Variants in ITGAM observed in about 807,000 individuals in gnomAD.
ITGAM encodes integrin alpha-M.
In ITGAM, 79 loss-of-function variants were observed where a neutral mutation model predicts 137.5. The observed-to-expected ratio is 0.57, with a 90% CI of 0.48 to 0.69. The LOEUF (loss-of-function observed/expected upper bound fraction) is 0.69. Among genes scored for constraint, ITGAM ranks in the 30% least tolerant of loss-of-function variants. ITGAM has a pLI of 0.00. For synonymous variants in ITGAM, 583 were observed against 592.3 expected (o/e 0.98, Z 0.23); for missense variants, 1,343 against 1,483.5 (o/e 0.91, Z 1.56).
At chr16:31,265,787 C>T (rs1422933501) in intron 3 of ITGAM, 24 bp from the exon 4 acceptor site, 1 of 1,609,672 alleles carries the variant, frequency 6.2e-7, no homozygotes, top group Non-Finnish European at 8.5e-7. Flanking sequence ...ACCAGGGTGA[C>T]CATGCCCATA....
Position 31,278,101 on chromosome 16 carries a change from G to A in ITGAM, c.1348G>A (p.Gly450Ser). Reference protein sequence around the residue: ...GMWESNANVKGTQIGAYFGAS... With the variant: ...GMWESNANVKSTQIGAYFGAS... ...GTGGGAGTCCAACGCTAATGTCAAGGGCACCCAGGTGAGTGCGGTTTGTGG... is the reference window on the plus strand; with the variant it reads ...GTGGGAGTCCAACGCTAATGTCAAGAGCACCCAGGTGAGTGCGGTTTGTGG... The change falls in exon 12 of 30, where the codon GGC becomes AGC. Residue 450 changes from glycine (G) to serine (S), a missense_variant. Transcript: ENST00000544665. 1.2e-6 allele frequency: 2 copies of A among 1,607,500 alleles called. No individual in the cohort carries two copies. Among genetic ancestry groups the A allele is most frequent in the Non-Finnish European group, 1.7e-6 (2 of 1,177,058 alleles).
At chr16:31,327,971 G>T (rs1219330962) in intron 22 of ITGAM, 176 bp from the exon 23 acceptor site, 1 of 601,720 alleles carries the variant, frequency 1.7e-6, no homozygotes, top group Admixed American at 2.8e-5. Flanking sequence ...CAGACATCCA[G>T]CTGGAGAGGG....
At position 31,331,189 on chromosome 16, in the gene ITGAM, G is replaced by A; in HGVS notation, c.3301G>A (p.Glu1101Lys). The part of the protein sequence containing the change: ...SQTETKVEPF[E>K]VPNPLPLIVG... Reference sequence around the variant, plus strand: ...GACGGAGACCAAAGTGGAGCCGTTCGAGGTCCCCAACCCCCTGCCGCTCAT... The same window carrying A: ...GACGGAGACCAAAGTGGAGCCGTTCAAGGTCCCCAACCCCCTGCCGCTCAT... Residue 1101 changes from glutamate (E) to lysine (K), a missense_variant, in exon 29 of 30, where the codon GAG becomes AAG. Transcript: ENST00000544665. 6.2e-7 allele frequency: 1 copy of A among 1,612,362 alleles called. No individual in the cohort carries two copies. Among genetic ancestry groups the A allele is most frequent in the Non-Finnish European group, 8.5e-7 (1 of 1,178,794 alleles).
At chr16:31,297,275 T>TC (rs2080143874) in intron 12 of ITGAM, among the ~76,000 whole-genome samples, 1 of 152,086 alleles carries the variant, frequency 6.6e-6, no homozygotes, top group Non-Finnish European at 1.5e-5. Flanking sequence ...CAAGGGATCC[T>TC]CCCACTTCAG....
At chr16:31,272,629 G>A (rs1476578251) in intron 7 of ITGAM, among the ~76,000 whole-genome samples, 2 of 148,516 alleles carry the variant, frequency 1.3e-5, no homozygotes, top group African/African-American at 4.9e-5. Context: ...GATTACATGC[G>A]TCCATCACCA....
intron 12 of ITGAM, among the ~76,000 whole-genome samples, chr16:31,288,553 A>T (rs1005148559): frequency 6.6e-6 from 1 of 152,178 alleles, no homozygotes; most frequent in African/African-American, 2.4e-5. Flanking sequence ...CTGGCTAGCC[A>T]TATGTAGAAA....
rs200349634 is a variant in ITGAM, at chr16:31,325,513, A to G, written c.2519A>G (p.Gln840Arg). 1.7e-5 allele frequency: 28 copies of G among 1,613,816 alleles called. No homozygotes were observed. Among genetic ancestry groups the G allele is most frequent in the Non-Finnish European group, 2.4e-5 (28 of 1,179,896 alleles). ...KVSTLQNQRS[Q>R]RSWRLACESA... Reference sequence around the variant, plus strand: ...CCTGCCTTCCAGAACCAGCGCTCACAGCGATCCTGGCGCCTGGCCTGTGAG... The same window carrying G: ...CCTGCCTTCCAGAACCAGCGCTCACGGCGATCCTGGCGCCTGGCCTGTGAG... Residue 840 changes from glutamine (Q) to arginine (R), a missense_variant, in exon 21 of 30, where the codon CAG (glutamine) becomes CGG (arginine). Transcript: ENST00000544665.
intron 2 of ITGAM, 50 bp downstream of exon 2, chr16:31,261,847 T>G (rs1448962065): frequency 8.6e-7 from 1 of 1,157,836 alleles, no homozygotes; most frequent in Non-Finnish European, 1.3e-6. Context: ...TCTCCAAGAC[T>G]TACATACCTG....
chr16:31,280,060 T>G (rs191984194), intron 12 of ITGAM, among the ~76,000 whole-genome samples: 1 of 152,208 alleles, frequency 6.6e-6, no homozygotes, highest in Non-Finnish European at 1.5e-5. Flanking sequence ...TGTGTGGTAT[T>G]ATTTCTGAGG....
In ITGAM at chr16:31,296,484, A is replaced by T. The variant is rs887593772; in HGVS notation, c.1357-1030A>T. On this transcript the variant is annotated intron_variant, in intron 12 of 29. Transcript: ENST00000544665. ...TAAAAGGCTGAATTTTATTGTATGT[A>T]AACTCTTCCCCAATAAATCTGACCT... Among the ~76,000 whole-genome samples, 19 of 152,152 alleles carry T rather than the reference A, an allele frequency of 1.2e-4. 1 individual carries two copies. Among genetic ancestry groups the T allele is most frequent in the African/African-American group, 4.6e-4 (19 of 41,432 alleles).
chr16:31,323,548 A>G lies in ITGAM; in HGVS notation c.2003-851A>G, dbSNP rs561041756. 2.0e-5 allele frequency among the ~76,000 whole-genome samples: 3 copies of G among 152,346 alleles called. No individual in the cohort carries two copies. The South Asian group carries it at 6.2e-4, about 32-fold the overall frequency. ...CGTTATAATCAAACTGCTGAAGACC[A>G]AAGACAAAGAGAAAAAAATTTAAAG... On this transcript the variant is annotated intron_variant, in intron 16 of 29. Coordinates refer to ENST00000544665, the MANE Select transcript of ITGAM (RefSeq NM_000632.4).
chr16:31,317,884 G>A (rs1391022406), intron 14 of ITGAM, among the ~76,000 whole-genome samples: 1 of 152,120 alleles, frequency 6.6e-6, no homozygotes, highest in Non-Finnish European at 1.5e-5. Context: ...TTTTCTCATG[G>A]TGTGTTTGTT....
chr16:31,298,833 C>CT (rs36034361), intron 14 of ITGAM, among the ~76,000 whole-genome samples: 21,133 of 152,116 alleles, frequency 0.14, 1,630 homozygotes, highest in South Asian at 0.2. Context: ...TGCATTGGGT[C>CT]TTGCAAAGCA....
chr16:31,290,714 G>C (rs1295404428), intron 12 of ITGAM, among the ~76,000 whole-genome samples: 1 of 151,630 alleles, frequency 6.6e-6, no homozygotes, highest in African/African-American at 2.4e-5. Flanking sequence ...ATCCAACATT[G>C]TACTGAAAGA....
intron 14 of ITGAM, among the ~76,000 whole-genome samples, chr16:31,320,339 A>T (rs892943368): frequency 6.6e-6 from 1 of 152,160 alleles, no homozygotes; most frequent in African/African-American, 2.4e-5. Flanking sequence ...GTTATTTTTA[A>T]TATCTTTGTC....
At chr16:31,329,187 C>G in intron 23 of ITGAM, 41 bp from the exon 24 acceptor site, 1 of 1,399,632 alleles carries the variant, frequency 7.1e-7, no homozygotes, top group South Asian at 1.2e-5. Flanking sequence ...CAGGGCACCC[C>G]TCATGTTTTG....
chr16:31,302,914 C>A (rs1377283068), intron 14 of ITGAM, among the ~76,000 whole-genome samples: 1 of 143,958 alleles, frequency 6.9e-6, no homozygotes, highest in Admixed American at 7.0e-5. Flanking sequence ...CTCTCTTTCC[C>A]TCCCTCTTTC....
rs2080151573 is a variant in ITGAM at position 31,297,765 on chromosome 16, T to C, written c.1518T>C (p.Asp506=). 1 of 1,600,396 alleles carries C rather than the reference T, an allele frequency of 6.2e-7. No individual in the cohort carries two copies. The highest frequency in any genetic ancestry group is 1.1e-5 in the South Asian group (1 of 90,148). ...AGCAGAGGGCTCGGTGGCAGTGTGA[T>C]GCTGTTCTCTACGGGGAGCAGGGCC... ...LPRGRARWQC[D]AVLYGEQGQP... is the part of the protein sequence containing the mutation. Residue 506 remains aspartate (D), a synonymous_variant, in exon 14 of 30, where the codon GAT becomes GAC. Transcript: ENST00000544665.
At chr16:31,277,832 G>T (rs1180050969) in intron 11 of ITGAM, 135 bp from the exon 12 acceptor site, 1 of 890,248 alleles carries the variant, frequency 1.1e-6, no homozygotes, top group Non-Finnish European at 1.7e-6. Flanking sequence ...TTCATAAAGA[G>T]AAATATAGCG....
Sources: allele counts gnomAD v4.1 joint callset (sites outside exome capture counted in the v4.1 genomes callset), GRCh38; gene constraint gnomAD v4.1.1; transcripts MANE v1.5; gene names NCBI Gene and HGNC (gene_info 2026-07-23, HGNC 2026-07-21).